The following TNR variants were observed in gnomAD, a reference collection of about 807,000 sequenced individuals.
TNR encodes tenascin-R.
Under a neutral mutation model 150.4 loss-of-function variants are expected in TNR, and 45 were observed. The ratio of observed to expected loss-of-function variants is 0.30; its 90% CI spans 0.24 to 0.38. The LOEUF (loss-of-function observed/expected upper bound fraction) is 0.38, where lower values mean the gene tolerates loss of function less well. Ranked by LOEUF, TNR falls within the 10% of genes least tolerant of loss-of-function variation. The pLI is 1.00. For missense variants in TNR, 1,544 were observed against 1,759.1 expected (o/e 0.88, Z 2.19); for synonymous variants, 687 against 678.4 (o/e 1.01, Z -0.20).
intron 1 of TNR, among the ~76,000 whole-genome samples, chr1:175,729,202 G>A (rs1667560263): frequency 6.6e-6 from 1 of 150,896 alleles, no homozygotes; most frequent in African/African-American, 2.4e-5. Flanking sequence ...TTTTTATTAG[G>A]TGCTCAGCCA....
At chr1:175,491,642 C>CTTTT (rs60469855) in intron 2 of TNR, among the ~76,000 whole-genome samples, 19 of 85,174 alleles carry the variant, frequency 2.2e-4, no homozygotes, top group East Asian at 6.6e-4. Context: ...CAGGCCCAGA[C>CTTTT]TTTTTTTTTT....
At chr1:175,354,831 G>A (rs1447316723) in intron 17 of TNR, among the ~76,000 whole-genome samples, 1 of 152,178 alleles carries the variant, frequency 6.6e-6, no homozygotes, top group African/African-American at 2.4e-5. Context: ...CTGAGGAAGT[G>A]GGATCTAAGG....
intron 1 of TNR, among the ~76,000 whole-genome samples, chr1:175,557,399 T>C (rs1661205776): frequency 6.6e-6 from 1 of 152,198 alleles, no homozygotes; most frequent in Non-Finnish European, 1.5e-5. Flanking sequence ...CTCAACAATA[T>C]GGCTATTCAG....
chr1:175,598,850 C>G (rs1444653564), intron 1 of TNR, among the ~76,000 whole-genome samples: 1 of 152,212 alleles, frequency 6.6e-6, no homozygotes, highest in Admixed American at 6.5e-5. Flanking sequence ...CACTCTGCCA[C>G]TCTAGAATCT....
At chr1:175,493,464 T>A (rs1194669255) in intron 2 of TNR, among the ~76,000 whole-genome samples, 1 of 152,188 alleles carries the variant, frequency 6.6e-6, no homozygotes, top group Non-Finnish European at 1.5e-5. Context: ...CAGGGCGGCC[T>A]CTCTGGCCCT....
In TNR at chr1:175,367,094, C is replaced by A. The variant is rs113216781; in HGVS notation, c.2053+114G>T. 115 of 841,318 alleles carry A rather than the reference C, an allele frequency of 1.4e-4. No homozygotes were observed. The Middle Eastern group carries it at 1.4e-3, about 10-fold the overall frequency. 52.1% of individuals were successfully genotyped at this position (841,318 alleles called of 1,614,324 possible). On this transcript the variant is annotated intron_variant, in intron 10 of 22. Coordinates refer to ENST00000367674, the MANE Select transcript of TNR (RefSeq NM_003285.3). ...TCTAGGCTGACAGTTGTCACCAGAGCCCTGTTCACTGGAAGACATTGCTTT... is the reference window on the plus strand; with the variant it reads ...TCTAGGCTGACAGTTGTCACCAGAGACCTGTTCACTGGAAGACATTGCTTT...
At chr1:175,522,323 T>A (rs1385637299) in intron 2 of TNR, among the ~76,000 whole-genome samples, 1 of 152,214 alleles carries the variant, frequency 6.6e-6, no homozygotes, top group Non-Finnish European at 1.5e-5. Flanking sequence ...AAACATCGTA[T>A]GTTCTCACTC....
intron 1 of TNR, among the ~76,000 whole-genome samples, chr1:175,720,589 G>C (rs1667271668): frequency 6.6e-6 from 1 of 152,208 alleles, no homozygotes; most frequent in Admixed American, 6.5e-5. Flanking sequence ...TCAATAGGTT[G>C]ATAGCTTTAT....
At chr1:175,351,678 T>G (rs1219181066) in intron 18 of TNR, among the ~76,000 whole-genome samples, 1 of 152,204 alleles carries the variant, frequency 6.6e-6, no homozygotes, top group Non-Finnish European at 1.5e-5. Context: ...GTCATTTCAG[T>G]GGGTTCTGAT....
chr1:175,358,512 A>C (rs1651433255), intron 15 of TNR, among the ~76,000 whole-genome samples: 1 of 152,216 alleles, frequency 6.6e-6, no homozygotes, highest in Non-Finnish European at 1.5e-5. Context: ...CTTTGACAAT[A>C]AGTTTACTTC....
intron 2 of TNR, among the ~76,000 whole-genome samples, chr1:175,520,609 C>T (rs577050117): frequency 6.6e-6 from 1 of 152,258 alleles, no homozygotes; most frequent in South Asian, 2.1e-4. Flanking sequence ...CAGGGCTGCT[C>T]CAGGCCACAT....
At chr1:175,616,406 C>T (rs1663776847) in intron 1 of TNR, among the ~76,000 whole-genome samples, 1 of 152,188 alleles carries the variant, frequency 6.6e-6, no homozygotes, top group African/African-American at 2.4e-5. Flanking sequence ...CCCACAACCT[C>T]CTGGCAGCTG....
At chr1:175,432,383 G>A (rs1402439028) in intron 2 of TNR, among the ~76,000 whole-genome samples, 1 of 152,162 alleles carries the variant, frequency 6.6e-6, no homozygotes, top group Non-Finnish European at 1.5e-5. Flanking sequence ...GGAATACACA[G>A]AAGAAAACCC....
chr1:175,427,092 G>T (rs1467238853), intron 2 of TNR, among the ~76,000 whole-genome samples: 1 of 149,518 alleles, frequency 6.7e-6, no homozygotes, highest in Non-Finnish European at 1.5e-5. Flanking sequence ...CCACTGACCT[G>T]CACAATGCCA....
intron 1 of TNR, among the ~76,000 whole-genome samples, chr1:175,691,342 G>A (rs1378601957): frequency 1.3e-5 from 2 of 152,092 alleles, no homozygotes; most frequent in East Asian, 1.9e-4. Flanking sequence ...GAGGAAGGTA[G>A]TAGTAGTAAC....
At chr1:175,706,806 C>T (rs185748167) in intron 1 of TNR, among the ~76,000 whole-genome samples, 2 of 152,180 alleles carry the variant, frequency 1.3e-5, no homozygotes, top group East Asian at 3.9e-4. Context: ...GAGATAGTCA[C>T]CACCTCCTTA....
rs142971345 is a variant in TNR, at chr1:175,687,850, C to T, written c.-165+55376G>A. Among the ~76,000 whole-genome samples the T allele has an allele frequency of 9.3e-3, 1,411 of 152,012 alleles. 25 individuals are homozygous for T. Among genetic ancestry groups the T allele is most frequent in the African/African-American group, 0.029 (1,222 of 41,458 alleles). ...CCCTCCCTATCTTCTGCTGTTAGCG[C>T]CCCCCACCACACCCTCCCCTCCCCC... On this transcript the variant is annotated intron_variant, in intron 1 of 22. Transcript: ENST00000367674.
chr1:175,440,740 AG>A (rs1482550211), intron 2 of TNR, among the ~76,000 whole-genome samples: 9 of 152,128 alleles, frequency 5.9e-5, no homozygotes, highest in Admixed American at 3.3e-4. Flanking sequence ...AGATTCAGTA[AG>A]ATCTGTTAGT....
intron 2 of TNR, among the ~76,000 whole-genome samples, chr1:175,411,674 A>G (rs1385483553): frequency 1.3e-5 from 2 of 151,512 alleles, no homozygotes. Flanking sequence ...TTCTTCATAT[A>G]GTTGTCTTCT....
Sources: gnomAD v4.1 joint callset for allele counts (sites outside exome capture counted in the v4.1 genomes callset) on GRCh38, gnomAD v4.1.1 for gene constraint, MANE v1.5 for transcripts, NCBI Gene and HGNC (gene_info 2026-07-23, HGNC 2026-07-21) for gene names.